The following SRGAP3 variants were observed in gnomAD, a reference collection of about 807,000 sequenced individuals.
The protein encoded by SRGAP3 is SLIT-ROBO Rho GTPase activating protein 3, also known as SLIT-ROBO Rho GTPase-activating protein 3.
SRGAP3 carries 39 observed loss-of-function variants against 121.1 expected under a neutral mutation model. The observed-to-expected ratio is 0.32, with a 90% CI of 0.25 to 0.42. The LOEUF (loss-of-function observed/expected upper bound fraction) is 0.42, where lower values mean the gene tolerates loss of function less well. SRGAP3 is among the 10% of genes least tolerant of loss of function. The pLI, the probability that SRGAP3 is intolerant of heterozygous loss-of-function variation, is 1.00. For synonymous variants in SRGAP3, 601 were observed against 570.0 expected, an observed-to-expected ratio of 1.05 and a Z score of -0.77; for missense variants, 1,213 against 1,470.6, an observed-to-expected ratio of 0.82 and a Z score of 2.86.
intron 1 of SRGAP3, among the ~76,000 whole-genome samples, chr3:9,195,628 C>T (rs1051350644): frequency 2.0e-5 from 3 of 152,094 alleles, no homozygotes; most frequent in African/African-American, 4.8e-5. Context: ...AAACAGCATG[C>T]ACCCAAGGCC....
Position 9,060,322 on chromosome 3 carries a change from G to C in SRGAP3, c.710C>G (p.Thr237Arg). The C allele has an allele frequency of 6.2e-7, 1 of 1,613,812 alleles. No homozygotes were observed. Among genetic ancestry groups the C allele is most frequent in the South Asian group, 1.1e-5 (1 of 91,084 alleles). ...AKYSENKLKCTKARNDYLLNL... is the reference protein window; with the variant it reads ...AKYSENKLKCRKARNDYLLNL... Reference sequence around the variant, plus strand: ...GAGCAAGTAGTCATTCCGGGCCTTTGTGCATTTCAGCTTGTTCTCAGAGTA... The same window carrying C: ...GAGCAAGTAGTCATTCCGGGCCTTTCTGCATTTCAGCTTGTTCTCAGAGTA... Residue 237 changes from threonine to arginine, a missense_variant, in exon 6 of 22, where the codon ACA becomes AGA. Thr to Arg is a moderately conservative substitution (Grantham distance 71). Transcript: ENST00000383836.
At chr3:9,027,863 C>T (rs1283445662) in intron 12 of SRGAP3, among the ~76,000 whole-genome samples, 1 of 152,228 alleles carries the variant, frequency 6.6e-6, no homozygotes, top group East Asian at 1.9e-4. Context: ...CTCCTCACAA[C>T]GTGAGTAAAC....
At chr3:9,356,117 A>T (rs1011913274) in intron 1 of SRGAP3, among the ~76,000 whole-genome samples, 1 of 152,100 alleles carries the variant, frequency 6.6e-6, no homozygotes, top group Non-Finnish European at 1.5e-5. Context: ...AACCACAGTA[A>T]CATACTACCG....
At chr3:9,180,156 G>C (rs1951328807) in intron 1 of SRGAP3, among the ~76,000 whole-genome samples, 3 of 152,262 alleles carry the variant, frequency 2.0e-5, no homozygotes, top group Admixed American at 1.3e-4. Flanking sequence ...TGCCAAGAGA[G>C]GTGTGGCCTG....
intron 3 of SRGAP3, among the ~76,000 whole-genome samples, chr3:9,322,227 T>C (rs1408183163): frequency 1.3e-5 from 2 of 151,756 alleles, no homozygotes; most frequent in Admixed American, 6.5e-5. Context: ...CAGTAGGCAC[T>C]CAACAAAGGG....
At position 8,990,743 on chromosome 3, in the gene SRGAP3, T is replaced by C; in HGVS notation, c.2655A>G (p.Thr885=). Residue 885 remains threonine (T), a synonymous_variant, in exon 21 of 22, where the codon ACA becomes ACG. Transcript: ENST00000383836. ...TGGGGCAGGCAGCAGCCCGGGGTGG[T>C]GTGTCTATGCTGGGGCCCAGGCCCC... The part of the protein sequence containing the change: ...PPRGLGPSID[T]PPRAAACPSS... 1 of 1,610,958 alleles carries C rather than the reference T, an allele frequency of 6.2e-7. No homozygotes were observed. The highest frequency in any genetic ancestry group is 8.5e-7 in the Non-Finnish European group (1 of 1,179,222).
At chr3:9,209,067 T>C (rs901045076) in intron 1 of SRGAP3, among the ~76,000 whole-genome samples, 15 of 152,220 alleles carry the variant, frequency 9.9e-5, no homozygotes, top group Non-Finnish European at 4.4e-5. Context: ...ATCATCCAGA[T>C]GTTTGGTAGA....
At chr3:9,123,388 TAC>T (rs1177670778) in intron 2 of SRGAP3, among the ~76,000 whole-genome samples, 96 of 19,666 alleles carry the variant, frequency 4.9e-3, no homozygotes, top group South Asian at 0.011. Flanking sequence ...TATATATATA[TAC>T]ATACACAATA....
chr3:9,092,717 A>G (rs1560128828), intron 3 of SRGAP3, among the ~76,000 whole-genome samples: 2 of 152,206 alleles, frequency 1.3e-5, no homozygotes, highest in African/African-American at 4.8e-5. Context: ...TAGAAAGCAT[A>G]TTGATATTTA....
intron 1 of SRGAP3, chr3:9,350,087 A>G (rs915678247): frequency 2.0e-5 from 3 of 152,154 alleles, no homozygotes; most frequent in African/African-American, 4.8e-5. Flanking sequence ...AAAAAGACAA[A>G]TGTGAATAAT....
intron 1 of SRGAP3, among the ~76,000 whole-genome samples, chr3:9,207,087 G>A (rs1425409703): frequency 6.6e-6 from 1 of 151,936 alleles, no homozygotes; most frequent in African/African-American, 2.4e-5. Flanking sequence ...AGGATATAAG[G>A]TTTTCAGTGG....
intron 20 of SRGAP3, among the ~76,000 whole-genome samples, chr3:8,991,162 G>A (rs1574858183): frequency 2.6e-5 from 4 of 152,168 alleles, no homozygotes; most frequent in South Asian, 4.1e-4. Flanking sequence ...CCCTGGAAAC[G>A]CTTTGGTGAT....
At chr3:9,254,723 G>A (rs1384132415) in intron 3 of SRGAP3, among the ~76,000 whole-genome samples, 2 of 152,046 alleles carry the variant, frequency 1.3e-5, no homozygotes, top group Admixed American at 6.6e-5. Flanking sequence ...TTGCACCCAA[G>A]AGGTGGAGGG....
chr3:9,257,928 C>A (rs569348496), intron 3 of SRGAP3, among the ~76,000 whole-genome samples: 1 of 152,252 alleles, frequency 6.6e-6, no homozygotes, highest in South Asian at 2.1e-4. Context: ...TGGTCTCGAA[C>A]TCCTGACCTT....
At chr3:9,032,773 A>T in intron 11 of SRGAP3, 21 bp from the exon 12 acceptor site, 1 of 1,603,658 alleles carries the variant, frequency 6.2e-7, no homozygotes, top group Admixed American at 1.7e-5. Context: ...ACGGAACAAA[A>T]GAAATCAAGA....
At chr3:9,142,078 T>G (rs1337173815) in intron 1 of SRGAP3, among the ~76,000 whole-genome samples, 2 of 152,354 alleles carry the variant, frequency 1.3e-5, no homozygotes, top group South Asian at 4.1e-4. Context: ...AAACGAGTTC[T>G]GGGTTAGTTC....
chr3:9,234,799 G>T (rs875993), intron 1 of SRGAP3, among the ~76,000 whole-genome samples: 2 of 151,944 alleles, frequency 1.3e-5, no homozygotes, highest in African/African-American at 4.8e-5. Flanking sequence ...AGAGCAACAA[G>T]GAGGAAAGGA....
chr3:9,271,015 G>A (rs901137116), intron 3 of SRGAP3, among the ~76,000 whole-genome samples: 9 of 152,152 alleles, frequency 5.9e-5, no homozygotes, highest in Admixed American at 5.9e-4. Context: ...TTGGACTAAG[G>A]CTCACACTCC....
intron 1 of SRGAP3, among the ~76,000 whole-genome samples, chr3:9,140,453 G>A (rs1422547285): frequency 2.0e-5 from 3 of 152,158 alleles, no homozygotes; most frequent in African/African-American, 7.2e-5. Flanking sequence ...ACACCAAAAT[G>A]TTAATCATGG....
Sources: allele counts gnomAD v4.1 joint callset (sites outside exome capture counted in the v4.1 genomes callset), GRCh38; gene constraint gnomAD v4.1.1; transcripts MANE v1.5; gene names NCBI Gene and HGNC (gene_info 2026-07-23, HGNC 2026-07-21).